ITGB6: variants seen among roughly 807,000 people sequenced by gnomAD.
The protein encoded by ITGB6 is integrin subunit beta 6, also known as integrin beta-6.
In ITGB6, 80 loss-of-function variants were observed where a neutral mutation model predicts 84.5. The observed-to-expected ratio is 0.95, with a 90% CI of 0.79 to 1.14. The LOEUF is 1.14. ITGB6 is among the 50% of genes most tolerant of loss of function. ITGB6 has a pLI of 0.00. For synonymous variants in ITGB6, 383 were observed against 354.9 expected (o/e 1.08, Z -0.89); for missense variants, 1,006 against 968.0 (o/e 1.04, Z -0.52).
rs759857053 is a variant in ITGB6 at position 160,196,224 on chromosome 2, A to G, written c.338T>C (p.Leu113Ser). 15 of 1,613,868 alleles carry G rather than the reference A, an allele frequency of 9.3e-6. No homozygotes were observed. The highest frequency in any genetic ancestry group is 1.3e-5 in the Non-Finnish European group (15 of 1,179,794). ...GCCAAATCCTAACATACCTGGTCTC[A>G]ACTTAAGGATCAAGCTTTGAGGCGC... ...QIAPQSLILK[L>S]RPGGAQTLQV... The change falls in exon 3 of 15, where the codon TTG becomes TCG. Residue 113 changes from leucine (L) to serine (S), a missense_variant. Leu to Ser is a moderately radical substitution (Grantham distance 145, BLOSUM62 -2). Transcript: ENST00000283249.
rs748474889 is a variant in ITGB6, at chr2:160,101,871, T to C, written c.2269-37A>G. Reference sequence around the variant, plus strand: ...AAAAAGATTCAAGTGAAAGTATGTATATTTTGTTTTTATACTGTTTTAATA... The same window carrying C: ...AAAAAGATTCAAGTGAAAGTATGTACATTTTGTTTTTATACTGTTTTAATA... On this transcript the variant is annotated intron_variant, in intron 14 of 14. Transcript: ENST00000283249. 13 of 1,265,406 alleles carry C rather than the reference T, an allele frequency of 1.0e-5. No individual in the cohort carries two copies. The African/African-American group carries it at 1.8e-4, about 17-fold the overall frequency. 78.4% of individuals were successfully genotyped at this position (1,265,406 alleles called of 1,614,324 possible).
chr2:160,156,663 A>T (rs548965884), intron 7 of ITGB6, among the ~76,000 whole-genome samples: 1 of 152,206 alleles, frequency 6.6e-6, no homozygotes, highest in East Asian at 1.9e-4. Context: ...TGTTCACAGA[A>T]GTTCTATTAT....
At position 160,166,913 on chromosome 2, in the gene ITGB6, A is replaced by G. The variant is rs975434063; in HGVS notation, c.1017+2299T>C. On this transcript the variant is annotated intron_variant, in intron 7 of 14. Coordinates refer to ENST00000283249, the MANE Select transcript of ITGB6 (RefSeq NM_000888.5). ...CAAAGCATTCTACCACAGTTACTAA[A>G]AAAAACAGTCATTTTTCCTGCATTC... Among the ~76,000 whole-genome samples, 4 of 152,226 alleles carry G rather than the reference A, an allele frequency of 2.6e-5. No homozygotes were observed. The South Asian group carries it at 8.3e-4, about 31-fold the overall frequency.
Position 160,137,478 on chromosome 2 carries a change from C to T in ITGB6, c.1616G>A (p.Cys539Tyr). ...GTGTCTCACGCAGGAGAAATTGTCA[C>T]ACTGGCAATAAGGCCCATAAATGTT... ...YGNIYGPYCQCDNFSCVRHKG... is the reference protein window; with the variant it reads ...YGNIYGPYCQYDNFSCVRHKG... Residue 539 changes from cysteine (C) to tyrosine (Y), a missense_variant, in exon 10 of 15, where the codon TGT (cysteine) becomes TAT (tyrosine). By Grantham distance (194) the Cys-to-Tyr change is radical (BLOSUM62 -2). Transcript: ENST00000283249. 6.2e-7 allele frequency: 1 copy of T among 1,613,424 alleles called. No individual in the cohort carries two copies. Among genetic ancestry groups the T allele is most frequent in the Non-Finnish European group, 8.5e-7 (1 of 1,179,398 alleles).
At chr2:160,172,787 T>G in intron 5 of ITGB6, 57 bp from the exon 6 acceptor site, 1 of 1,375,496 alleles carries the variant, frequency 7.3e-7, no homozygotes, top group Non-Finnish European at 1.0e-6. Flanking sequence ...ATTTATTGAG[T>G]GTGGATCAAT....
chr2:160,102,927 C>T (rs940707073), intron 14 of ITGB6, among the ~76,000 whole-genome samples: 2 of 152,188 alleles, frequency 1.3e-5, no homozygotes, highest in African/African-American at 4.8e-5. Flanking sequence ...GCAAATGCTC[C>T]ATAAATGCTG....
intron 7 of ITGB6, among the ~76,000 whole-genome samples, chr2:160,146,620 C>A (rs1037669833): frequency 6.6e-6 from 1 of 152,048 alleles, no homozygotes; most frequent in Non-Finnish European, 1.5e-5. Context: ...TATTTTTTGT[C>A]ATTACTTTGT....
intron 4 of ITGB6, among the ~76,000 whole-genome samples, chr2:160,177,468 G>A (rs1013169743): frequency 1.3e-5 from 2 of 151,934 alleles, no homozygotes; most frequent in Non-Finnish European, 2.9e-5. Context: ...CTACTCAGGA[G>A]GCTGAGTCAG....
chr2:160,136,274 T>C (rs1683710700), intron 10 of ITGB6, among the ~76,000 whole-genome samples: 1 of 152,208 alleles, frequency 6.6e-6, no homozygotes, highest in South Asian at 2.1e-4. Context: ...AGAAGACATT[T>C]ATGCAGCCAA....
At position 160,189,884 on chromosome 2, in the gene ITGB6, G is replaced by A. The variant is rs1051918849; in HGVS notation, c.593+5485C>T. Among the ~76,000 whole-genome samples, 4 of 152,218 alleles carry A rather than the reference G, an allele frequency of 2.6e-5. No homozygotes were observed. In the East Asian group the frequency reaches 5.8e-4, roughly 22 times the overall value. ...TACCCAAAGGATTCTAAATCATGCT[G>A]CTATAAAGACACATGCACACATATG... is the stretch of plus-strand genomic sequence containing the variant. On this transcript the variant is annotated intron_variant, in intron 4 of 14. Coordinates refer to ENST00000283249, the MANE Select transcript of ITGB6 (RefSeq NM_000888.5).
intron 4 of ITGB6, among the ~76,000 whole-genome samples, chr2:160,181,553 G>C (rs573790373): frequency 5.9e-5 from 9 of 152,310 alleles, no homozygotes; most frequent in South Asian, 2.1e-4. Context: ...GGGCGACTGT[G>C]GGCACAGCTT....
At chr2:160,194,055 G>T (rs1686240964) in intron 4 of ITGB6, among the ~76,000 whole-genome samples, 1 of 152,124 alleles carries the variant, frequency 6.6e-6, no homozygotes, top group African/African-American at 2.4e-5. Context: ...TACTCGGGAG[G>T]CTGACACAGG....
At chr2:160,192,324 T>C (rs10171644) in intron 4 of ITGB6, among the ~76,000 whole-genome samples, 17,307 of 152,128 alleles carry the variant, frequency 0.11, 1,864 homozygotes, top group East Asian at 0.45. Flanking sequence ...CACACATATA[T>C]GGTCAATTGC....
chr2:160,120,668 T>TAAA lies in ITGB6; in HGVS notation c.1981+3120_1981+3122dup, dbSNP rs200095827. Reference sequence around the variant, plus strand: ...TGTACCCTAAAACTTAGAGTATAATTAAAAAAAAAAAAAAAAAAAAAAGAA... The same window carrying TAAA: ...TGTACCCTAAAACTTAGAGTATAATTAAAAAAAAAAAAAAAAAAAAAAAAAGAA... On this transcript the variant is annotated intron_variant, in intron 12 of 14. Transcript: ENST00000283249. Among the ~76,000 whole-genome samples, 10 of 16,120 alleles carry TAAA rather than the reference T, an allele frequency of 6.2e-4. 1 individual carries two copies. The highest frequency in any genetic ancestry group is 1.6e-3 in the African/African-American group (5 of 3,222). The allele number at this position is 16,120 out of a possible 152,430, so 10.6% of individuals were successfully genotyped here. A position where few individuals can be genotyped will look rare whatever the true frequency, so the allele number is the denominator to read the frequency against.
chr2:160,131,349 T>G (rs573223517), intron 10 of ITGB6, among the ~76,000 whole-genome samples: 6 of 152,108 alleles, frequency 3.9e-5, no homozygotes, highest in Non-Finnish European at 7.4e-5. Flanking sequence ...TACAGATGGA[T>G]GAAAGAAGCT....
chr2:160,128,407 A>C (rs1683322163), intron 10 of ITGB6, among the ~76,000 whole-genome samples: 1 of 152,204 alleles, frequency 6.6e-6, no homozygotes, highest in Admixed American at 6.5e-5. Flanking sequence ...AATGGAAAGG[A>C]TAACAAAAAG....
intron 7 of ITGB6, among the ~76,000 whole-genome samples, chr2:160,151,225 C>T (rs1326417955): frequency 1.3e-5 from 2 of 152,162 alleles, no homozygotes; most frequent in African/African-American, 4.8e-5. Context: ...TGTAAAAGAA[C>T]AGAAATCACA....
chr2:160,175,292 T>C (rs140209655), intron 4 of ITGB6, among the ~76,000 whole-genome samples: 121 of 152,364 alleles, frequency 7.9e-4, no homozygotes, highest in African/African-American at 2.8e-3. Flanking sequence ...GATTCTATAT[T>C]TGTGAATTCA....
intron 13 of ITGB6, among the ~76,000 whole-genome samples, chr2:160,109,992 T>C (rs1239171778): frequency 2.6e-5 from 4 of 152,254 alleles, no homozygotes; most frequent in Non-Finnish European, 5.9e-5. Context: ...TAAAATTCAT[T>C]TTACCTGTTT....
Sources: allele counts gnomAD v4.1 joint callset (sites outside exome capture counted in the v4.1 genomes callset), GRCh38; gene constraint gnomAD v4.1.1; transcripts MANE v1.5; gene names NCBI Gene and HGNC (gene_info 2026-07-23, HGNC 2026-07-21).